The following RPGRIP1 variants were observed in gnomAD, a reference collection of about 807,000 sequenced individuals.
The protein encoded by RPGRIP1 is X-linked retinitis pigmentosa GTPase regulator-interacting protein 1.
RPGRIP1 carries 128 observed loss-of-function variants against 157.9 expected under a neutral mutation model. The observed-to-expected ratio is 0.81, with a 90% CI of 0.70 to 0.94. The LOEUF is 0.94. RPGRIP1 is among the 40% of genes least tolerant of loss of function. The probability of loss-of-function intolerance (pLI) is 0.00; values close to 1 mark genes in which losing one functional copy is unlikely to be tolerated. For synonymous variants in RPGRIP1, 554 were observed against 571.6 expected, an observed-to-expected ratio of 0.97 and a Z score of 0.44; for missense variants, 1,486 against 1,545.8, an observed-to-expected ratio of 0.96 and a Z score of 0.65.
At chr14:21,285,697 G>C (rs1341151484) in intron 1 of RPGRIP1, among the ~76,000 whole-genome samples, 2 of 151,686 alleles carry the variant, frequency 1.3e-5, no homozygotes, top group Non-Finnish European at 2.9e-5. Context: ...GAGGAAGGAA[G>C]GTACAAGGTG....
chr14:21,323,237 C>T (rs1231350205), intron 14 of RPGRIP1, among the ~76,000 whole-genome samples: 2 of 152,066 alleles, frequency 1.3e-5, no homozygotes, highest in Non-Finnish European at 2.9e-5. Flanking sequence ...GCCTGACCAA[C>T]ATGGTGAAAC....
At chr14:21,285,460 C>T (rs745840448) in intron 1 of RPGRIP1, among the ~76,000 whole-genome samples, 41 of 151,752 alleles carry the variant, frequency 2.7e-4, no homozygotes, top group Non-Finnish European at 4.9e-4. Context: ...AAAAAATTAG[C>T]CGGGCATGGT....
chr14:21,304,038 C>T (rs1485693312), intron 6 of RPGRIP1, among the ~76,000 whole-genome samples: 6 of 149,842 alleles, frequency 4.0e-5, no homozygotes, highest in Non-Finnish European at 7.4e-5. Flanking sequence ...ACCTTCTGGG[C>T]GCAGTGGCTC....
chr14:21,334,370 C>T (rs1216732452), intron 20 of RPGRIP1, among the ~76,000 whole-genome samples: 1 of 151,984 alleles, frequency 6.6e-6, no homozygotes, highest in African/African-American at 2.4e-5. Context: ...TCCTTTCTTC[C>T]TTTCTGTTTT....
intron 12 of RPGRIP1, among the ~76,000 whole-genome samples, chr14:21,320,472 T>C (rs543671220): frequency 6.6e-6 from 1 of 152,044 alleles, no homozygotes; most frequent in South Asian, 2.1e-4. Flanking sequence ...TTTGTATTTT[T>C]AGTAGAGACG....
At chr14:21,300,101 G>A (rs1880959371) in intron 3 of RPGRIP1, among the ~76,000 whole-genome samples, 1 of 152,174 alleles carries the variant, frequency 6.6e-6, no homozygotes, top group South Asian at 2.1e-4. Context: ...TTCGAGATCA[G>A]CCTGACCAAC....
chr14:21,336,086 A>G (rs1353476738), intron 21 of RPGRIP1, among the ~76,000 whole-genome samples: 1 of 152,250 alleles, frequency 6.6e-6, no homozygotes, highest in African/African-American at 2.4e-5. Context: ...GTTGTAAGAA[A>G]TCAGAAAAGG....
chr14:21,345,262 T>C (rs572936141), intron 23 of RPGRIP1, 65 bp downstream of exon 23: 2 of 1,233,950 alleles, frequency 1.6e-6, no homozygotes, highest in Non-Finnish European at 2.3e-6. Context: ...AAGTTTGAGT[T>C]TGGTTTTGTG....
intron 16 of RPGRIP1, chr14:21,325,616 G>A: frequency 1.6e-6 from 1 of 628,626 alleles, no homozygotes; most frequent in Non-Finnish European, 2.7e-6. Flanking sequence ...TAGCTTCTCT[G>A]TGCCATTCTC....
At chr14:21,338,914 G>A (rs1047895850) in intron 21 of RPGRIP1, among the ~76,000 whole-genome samples, 11 of 150,344 alleles carry the variant, frequency 7.3e-5, no homozygotes, top group Admixed American at 3.3e-4. Flanking sequence ...CGAGGCGGGC[G>A]GATCACCTGA....
intron 3 of RPGRIP1, among the ~76,000 whole-genome samples, chr14:21,299,794 C>A (rs1414336521): frequency 1.3e-5 from 2 of 152,164 alleles, no homozygotes; most frequent in African/African-American, 4.8e-5. Context: ...GTGGCTGAAA[C>A]AACAGACATT....
chr14:21,339,948 T>C (rs1436452925), intron 21 of RPGRIP1, among the ~76,000 whole-genome samples: 1 of 152,158 alleles, frequency 6.6e-6, no homozygotes, highest in Non-Finnish European at 1.5e-5. Flanking sequence ...CTAAGTACTA[T>C]GAAGGAAATA....
intron 10 of RPGRIP1, chr14:21,317,414 C>A: frequency 1.6e-6 from 1 of 613,868 alleles, no homozygotes; most frequent in South Asian, 2.5e-5. Flanking sequence ...CTAAAGAAAG[C>A]CATCATGGTG....
chr14:21,329,601 A>C (rs897011857), intron 19 of RPGRIP1, among the ~76,000 whole-genome samples: 1 of 148,638 alleles, frequency 6.7e-6, no homozygotes, highest in African/African-American at 2.5e-5. Flanking sequence ...TCCCAGGTTC[A>C]AGCAATTCTG....
intron 6 of RPGRIP1, among the ~76,000 whole-genome samples, chr14:21,305,594 C>T (rs1195131038): frequency 6.6e-6 from 1 of 152,192 alleles, no homozygotes; most frequent in African/African-American, 2.4e-5. Flanking sequence ...GGTGCGGTGG[C>T]TTATGCCTGT....
intron 1 of RPGRIP1, among the ~76,000 whole-genome samples, chr14:21,282,757 G>A (rs918491676): frequency 6.6e-6 from 1 of 151,810 alleles, no homozygotes; most frequent in Non-Finnish European, 1.5e-5. Flanking sequence ...CTACAGGCGC[G>A]TGCCACCACA....
chr14:21,303,212 A>G (rs982591282), intron 5 of RPGRIP1, 119 bp from the exon 6 acceptor site: 5 of 697,780 alleles, frequency 7.2e-6, no homozygotes, highest in African/African-American at 1.8e-5. Context: ...GCTGTATTTT[A>G]TAAGATTTTC....
chr14:21,293,579 C>A (rs187666692), intron 2 of RPGRIP1, among the ~76,000 whole-genome samples: 44 of 151,384 alleles, frequency 2.9e-4, no homozygotes, highest in Non-Finnish European at 5.0e-4. Context: ...CCTGTCTCTA[C>A]TAAAAATACA....
chr14:21,334,205 A>G (rs572910033), intron 20 of RPGRIP1, among the ~76,000 whole-genome samples: 108 of 152,216 alleles, frequency 7.1e-4, no homozygotes, highest in Non-Finnish European at 1.2e-3. Context: ...TACAGGTGTG[A>G]GCCACCACGC....
Sources: gnomAD v4.1 joint callset for allele counts (sites outside exome capture counted in the v4.1 genomes callset) on GRCh38, gnomAD v4.1.1 for gene constraint, MANE v1.5 for transcripts, NCBI Gene and HGNC (gene_info 2026-07-23, HGNC 2026-07-21) for gene names.